The following EIF4G1 variants were observed in gnomAD, a reference collection of about 807,000 sequenced individuals.
The protein encoded by EIF4G1 is eukaryotic translation initiation factor 4 gamma 1, also known as EIF4-gamma.
Under a neutral mutation model 187.8 loss-of-function variants are expected in EIF4G1, and 4 were observed. The ratio of observed to expected loss-of-function variants is 0.02; its 90% confidence interval spans 0.01 to 0.05. The LOEUF is 0.05. EIF4G1 is among the 10% of genes least tolerant of loss of function. The pLI is 1.00. For missense variants in EIF4G1, 1,647 were observed against 2,081.1 expected (o/e 0.79, Z 4.06); for synonymous variants, 844 against 781.4 (o/e 1.08, Z -1.34).
intron 4 of EIF4G1, among the ~76,000 whole-genome samples, chr3:184,317,003 T>A (rs1722915212): frequency 6.6e-6 from 1 of 152,138 alleles, no homozygotes; most frequent in Non-Finnish European, 1.5e-5. Flanking sequence ...CGAAAGGGCC[T>A]TACTTAGGCA....
At position 184,322,414 on chromosome 3, in the gene EIF4G1, G is replaced by A. The variant is rs1460231552; in HGVS notation, c.1572G>A (p.Lys524=). The change falls in exon 11 of 33, where the codon AAG becomes AAA. Residue 524 remains lysine, a synonymous_variant. Transcript: ENST00000346169. ...RRRKIKELNK[K]EAVGDLLDAF... ...GGAAAATTAAGGAGCTAAATAAGAA[G>A]GAGGCTGTTGGAGACCTTCTGGATG... is the stretch of plus-strand genomic sequence containing the variant. 6.2e-7 allele frequency: 1 copy of A among 1,614,078 alleles called. No homozygotes were observed. Among genetic ancestry groups the A allele is most frequent in the African/African-American group, 1.3e-5 (1 of 74,928 alleles).
rs1724222407 is a variant in EIF4G1 at position 184,323,279 on chromosome 3, G to C, written c.2088+38G>C. ...GGGTAAAGTGGCAGGTGGGCAAGGA[G>C]TGGGAGTGGATGATTCCGTGTCTCA... On this transcript the variant is annotated intron_variant, in intron 14 of 32. Transcript: ENST00000346169. The surrounding 1 kb of genome is among the most constrained non-coding windows in gnomAD (Gnocchi z 6.9). 3 of 1,613,684 alleles carry C rather than the reference G, an allele frequency of 1.9e-6. No homozygotes were observed. Among genetic ancestry groups the C allele is most frequent in the East Asian group, 2.2e-5 (1 of 44,866 alleles).
rs1382446842 is a variant in EIF4G1, at chr3:184,327,305, G to A, written c.3518G>A (p.Arg1173Gln). ...GAACGGGGAGGGGACCGTGGGGACC[G>A]GCTTGATCGTGCGCGGACACCTGCT... is the stretch of plus-strand genomic sequence containing the variant. ...RSERGGDRGD[R>Q]LDRARTPATK... is the part of the protein sequence containing the mutation. Residue 1173 changes from arginine to glutamine, a missense_variant, in exon 24 of 33, where the codon CGG becomes CAG. Physicochemically the swap from Arg to Gln is conservative, Grantham distance 43. Around this residue, in one of 11 missense-constraint regions of EIF4G1, gnomAD observed 543 missense variants for 638.0 expected, o/e 0.85. Transcript: ENST00000346169. 1.9e-6 allele frequency: 3 copies of A among 1,613,746 alleles called. No individual in the cohort carries two copies. Among genetic ancestry groups the A allele is most frequent in the South Asian group, 2.2e-5 (2 of 91,080 alleles).
intron 4 of EIF4G1, 36 bp from the exon 5 acceptor site, chr3:184,317,285 C>G (rs368386026): frequency 1.2e-6 from 2 of 1,612,988 alleles, no homozygotes; most frequent in East Asian, 2.2e-5. Context: ...ACTTCCTTCT[C>G]TTTACAATGC....
chr3:184,327,249 T>A lies in EIF4G1; in HGVS notation c.3462T>A (p.Ala1154=), dbSNP rs143342566. Residue 1154 remains alanine, a synonymous_variant, in exon 24 of 33, where the codon GCT becomes GCA. Coordinates refer to ENST00000346169, the MANE Select transcript of EIF4G1 (RefSeq NM_198241.3). ...TGAGCCGAGAACGAGGCGAGAAAGC[T>A]GGAGACCGAGGAGACCGCCTAGAGC... ...SSLSRERGEK[A]GDRGDRLERS... The A allele has an allele frequency of 6.2e-7, 1 of 1,613,152 alleles. No individual in the cohort carries two copies. Among genetic ancestry groups the A allele is most frequent in the African/African-American group, 1.3e-5 (1 of 75,048 alleles).
chr3:184,324,013 G>C, intron 16 of EIF4G1, 36 bp downstream of exon 16: 1 of 1,612,216 alleles, frequency 6.2e-7, no homozygotes, highest in East Asian at 2.2e-5. Context: ...TAATGGTCTG[G>C]TTGCCCATTC....
Position 184,323,044 on chromosome 3 carries a change from C to G in EIF4G1, c.1930-39C>G, listed in dbSNP as rs1318537592. 1.9e-6 allele frequency: 3 copies of G among 1,614,192 alleles called. No homozygotes were observed. The Admixed American group carries it at 5.0e-5, about 27-fold the overall frequency. ...GGTCCTGAAAGAGTAGTCAACCGCT[C>G]TAGCCTGCTTCTGAGACCTTTTCCT... On this transcript the variant is annotated intron_variant, in intron 13 of 32. Transcript: ENST00000346169. This position sits in a 1 kb window ranked among gnomAD's most constrained non-coding sequence, Gnocchi z 6.9.
At chr3:184,315,946 C>T in intron 3 of EIF4G1, 90 bp downstream of exon 3, 2 of 1,501,016 alleles carry the variant, frequency 1.3e-6, no homozygotes, top group Non-Finnish European at 1.8e-6. Context: ...TGTGTCAGGG[C>T]AAAGTGCAGC....
chr3:184,315,337 G>T, intron 1 of EIF4G1, 152 bp from the exon 2 acceptor site: 2 of 515,796 alleles, frequency 3.9e-6, no homozygotes, highest in South Asian at 2.8e-5. Context: ...CCCGAACCCG[G>T]TGTCCCCGGG....
intron 2 of EIF4G1, 37 bp downstream of exon 2, chr3:184,315,582 G>A (rs1553845588): frequency 1.3e-6 from 1 of 767,664 alleles, no homozygotes; most frequent in Admixed American, 1.7e-5. Flanking sequence ...TCAGGGGTTG[G>A]TTGGAAGTGA....
At chr3:184,333,434 T>G (rs1457133955) in intron 32 of EIF4G1, among the ~76,000 whole-genome samples, 1 of 150,640 alleles carries the variant, frequency 6.6e-6, no homozygotes, top group Non-Finnish European at 1.5e-5. Flanking sequence ...TGAGGGAGAG[T>G]GATAAGGGCC....
At chr3:184,316,356 T>A in intron 4 of EIF4G1, 138 bp downstream of exon 4, 1 of 1,149,680 alleles carries the variant, frequency 8.7e-7, no homozygotes, top group Non-Finnish European at 1.2e-6. Context: ...GCTCTGCGCC[T>A]TGCCCTGTTG....
At position 184,322,883 on chromosome 3, in the gene EIF4G1, T is replaced by A; in HGVS notation, c.1858T>A (p.Phe620Ile). Reference sequence around the variant, plus strand: ...TTACGACCGTGAGTTCCTGCTTGGTTTTCAGTTCATCTTTGCCAGTATGCA... The same window carrying A: ...TTACGACCGTGAGTTCCTGCTTGGTATTCAGTTCATCTTTGCCAGTATGCA... ...KRYDREFLLG[F>I]QFIFASMQKP... Residue 620 changes from phenylalanine to isoleucine, a missense_variant, in exon 13 of 33, where the codon TTT becomes ATT. Phe to Ile is a conservative substitution (Grantham distance 21, BLOSUM62 0). Transcript: ENST00000346169. 1 of 1,614,106 alleles carries A rather than the reference T, an allele frequency of 6.2e-7. No individual in the cohort carries two copies. The highest frequency in any genetic ancestry group is 8.5e-7 in the Non-Finnish European group (1 of 1,180,026).
intron 28 of EIF4G1, 63 bp from the exon 29 acceptor site, chr3:184,331,203 A>G (rs2108518672): frequency 1.2e-5 from 18 of 1,532,748 alleles, no homozygotes; most frequent in Non-Finnish European, 1.6e-5. Context: ...TTAATGTGGT[A>G]GAGCTGTTGG....
At chr3:184,331,218 T>C (rs1230609764) in intron 28 of EIF4G1, 48 bp from the exon 29 acceptor site, 2 of 1,600,180 alleles carry the variant, frequency 1.2e-6, no homozygotes, top group East Asian at 2.2e-5. Flanking sequence ...TGTTGGGTCC[T>C]TGGAGAGAGA....
At chr3:184,330,752 A>AT (rs1196708976) in intron 28 of EIF4G1, among the ~76,000 whole-genome samples, 1 of 151,256 alleles carries the variant, frequency 6.6e-6, no homozygotes, top group African/African-American at 2.4e-5. Flanking sequence ...TATTATTATT[A>AT]TTTTTTTGAG....
At position 184,334,892 on chromosome 3, in the gene EIF4G1, A is replaced by C. The variant is rs772515003; in HGVS notation, c.4784A>C (p.Glu1595Ala). The part of the protein sequence containing the change: ...FFKWLREAEE[E>A]SDHN ...AAGTGGCTCCGTGAAGCAGAGGAGG[A>C]GTCTGACCACAACTGAGGGCTGGTG... The change falls in exon 33 of 33, where the codon GAG (glutamate) becomes GCG (alanine). Residue 1595 changes from glutamate to alanine, a missense_variant. Physicochemically the swap from Glu to Ala is moderately radical, Grantham distance 107 (BLOSUM62 -1). Transcript: ENST00000346169. This position sits in a 1 kb window ranked among gnomAD's most constrained non-coding sequence, Gnocchi z 5.8. The C allele has an allele frequency of 3.2e-5, 51 of 1,613,996 alleles. No homozygotes were observed. The highest frequency in any genetic ancestry group is 3.9e-5 in the Non-Finnish European group (46 of 1,180,022).
chr3:184,316,683 C>T (rs1169901309), intron 4 of EIF4G1: 2 of 1,589,500 alleles, frequency 1.3e-6, no homozygotes, highest in South Asian at 2.2e-5. Flanking sequence ...GGGGGTAATT[C>T]TCTTCTTTCC....
intron 4 of EIF4G1, chr3:184,316,874 A>G (rs1351609664): frequency 1.2e-5 from 11 of 896,012 alleles, no homozygotes; most frequent in Non-Finnish European, 2.0e-5. Context: ...AGGCCGAGTG[A>G]TGCATGTTAG....
Sources: allele counts gnomAD v4.1 joint callset (sites outside exome capture counted in the v4.1 genomes callset), GRCh38; gene constraint gnomAD v4.1.1; regional missense constraint gnomAD v4.1.1; non-coding constraint Gnocchi (gnomAD v3.1); transcripts MANE v1.5; gene names NCBI Gene and HGNC (gene_info 2026-07-23, HGNC 2026-07-21).